The following APP variants were observed in gnomAD, a reference collection of about 807,000 sequenced individuals.
APP encodes amyloid beta precursor protein.
APP carries 31 observed loss-of-function variants against 101.4 expected under a neutral mutation model. The observed-to-expected ratio is 0.31, with a 90% CI of 0.23 to 0.41. The LOEUF (loss-of-function observed/expected upper bound fraction) is 0.41. APP is among the 10% of genes least tolerant of loss of function. The probability of loss-of-function intolerance (pLI) is 1.00; values close to 1 mark genes in which losing one functional copy is unlikely to be tolerated. For missense variants in APP, 839 were observed against 1,003.7 expected (o/e 0.84, Z 2.22); for synonymous variants, 366 against 364.4 (o/e 1.00, Z -0.05).
At position 26,062,816 on chromosome 21, in the gene APP, G is replaced by A. The variant is rs764462417; in HGVS notation, c.356-9468C>T. 3.3e-5 allele frequency among the ~76,000 whole-genome samples: 5 copies of A among 151,912 alleles called. No homozygotes were observed. In the South Asian group the frequency reaches 6.2e-4, roughly 19 times the overall value. On this transcript the variant is annotated intron_variant, in intron 3 of 17. Coordinates refer to ENST00000346798, the MANE Select transcript of APP (RefSeq NM_000484.4). ...CTTACTCTGTCTCCCAGGCTGGAGTGCAATGGCACGATCACAGCTCACTGC... is the reference window on the plus strand; with the variant it reads ...CTTACTCTGTCTCCCAGGCTGGAGTACAATGGCACGATCACAGCTCACTGC...
chr21:25,881,788 G>T lies in APP; in HGVS notation c.2212-17C>A. On this transcript the variant is annotated splice_polypyrimidine_tract_variant and intron_variant, in intron 17 of 17. Transcript: ENST00000346798. ...GGCGTCAACCTGAAAAACAAGAGGA[G>T]AGCTGAGTAAAAAATAAAAATCAAT... is the stretch of plus-strand genomic sequence containing the variant. The T allele has an allele frequency of 4.3e-6, 7 of 1,610,220 alleles. No individual in the cohort carries two copies. The highest frequency in any genetic ancestry group is 5.9e-6 in the Non-Finnish European group (7 of 1,177,942).
intron 2 of APP, among the ~76,000 whole-genome samples, chr21:26,105,588 G>C (rs1779816500): frequency 6.6e-6 from 1 of 151,262 alleles, no homozygotes; most frequent in South Asian, 2.1e-4. Flanking sequence ...CTACAAATGA[G>C]AACTATTCAT....
chr21:25,984,796 T>C (rs1023531976), intron 8 of APP, among the ~76,000 whole-genome samples: 3 of 151,390 alleles, frequency 2.0e-5, no homozygotes, highest in African/African-American at 7.4e-5. Context: ...TTCTTTTGCA[T>C]AGTCCAATCT....
At chr21:26,033,122 G>A (rs1224840394) in intron 5 of APP, among the ~76,000 whole-genome samples, 2 of 152,166 alleles carry the variant, frequency 1.3e-5, no homozygotes, top group East Asian at 3.9e-4. Flanking sequence ...AGCAGATGAA[G>A]AGTGATATGG....
chr21:26,055,850 T>G (rs905971291), intron 3 of APP, among the ~76,000 whole-genome samples: 1 of 151,448 alleles, frequency 6.6e-6, no homozygotes, highest in Non-Finnish European at 1.5e-5. Context: ...AGGTATCAGA[T>G]ACACTCGACC....
chr21:26,059,655 C>T lies in APP; in HGVS notation c.356-6307G>A, dbSNP rs572028921. ...TCTGTAATCCCAGCACTTTGGGAGG[C>T]CGAGACGGGTGGATCACAAGGTCAG... On this transcript the variant is annotated intron_variant, in intron 3 of 17. Coordinates refer to ENST00000346798, the MANE Select transcript of APP (RefSeq NM_000484.4). Among the ~76,000 whole-genome samples the T allele has an allele frequency of 3.9e-4, 59 of 152,164 alleles. No homozygotes were observed. The South Asian group carries it at 0.012, about 31-fold the overall frequency.
At chr21:25,954,382 G>A (rs1375653416) in intron 13 of APP, among the ~76,000 whole-genome samples, 3 of 152,302 alleles carry the variant, frequency 2.0e-5, no homozygotes, top group East Asian at 1.9e-4. Context: ...TAAGTCAGGC[G>A]ACATTCCTCC....
intron 1 of APP, among the ~76,000 whole-genome samples, chr21:26,134,298 T>C (rs2062851858): frequency 6.6e-6 from 1 of 152,176 alleles, no homozygotes; most frequent in African/African-American, 2.4e-5. Flanking sequence ...GGCTGAGGGC[T>C]CAGTACCACA....
rs200159151 is a variant in APP at position 26,021,885 on chromosome 21, T to C, written c.820A>G (p.Thr274Ala). The C allele has an allele frequency of 9.3e-6, 15 of 1,613,472 alleles. No homozygotes were observed. Among genetic ancestry groups the C allele is most frequent in the Non-Finnish European group, 1.2e-5 (14 of 1,179,802 alleles). Reference sequence around the variant, plus strand: ...GACTCTGTGGTGGTGGTGGTGGTGGTGGCAATGCTGGTGGTTCTCTCTGTG... The same window carrying C: ...GACTCTGTGGTGGTGGTGGTGGTGGCGGCAATGCTGGTGGTTCTCTCTGTG... ...EATERTTSIA[T>A]TTTTTTESVE... is the part of the protein sequence containing the mutation. The change falls in exon 6 of 18, where the codon ACC becomes GCC. Residue 274 changes from threonine to alanine, a missense_variant. By Grantham distance (58) the Thr-to-Ala change is moderately conservative. Coordinates refer to ENST00000346798, the MANE Select transcript of APP (RefSeq NM_000484.4).
intron 8 of APP, among the ~76,000 whole-genome samples, chr21:25,989,317 C>T (rs563625325): frequency 1.1e-4 from 17 of 152,248 alleles, no homozygotes; most frequent in African/African-American, 3.1e-4. Context: ...GTAATCATTG[C>T]GGAGCACTCC....
intron 1 of APP, among the ~76,000 whole-genome samples, chr21:26,118,449 C>T (rs1568996673): frequency 6.6e-6 from 1 of 152,108 alleles, no homozygotes; most frequent in East Asian, 1.9e-4. Context: ...CACACACTAA[C>T]ATATATGAAA....
intron 1 of APP, among the ~76,000 whole-genome samples, chr21:26,140,869 T>C (rs1354302638): frequency 6.6e-6 from 1 of 152,238 alleles, no homozygotes; most frequent in African/African-American, 2.4e-5. Flanking sequence ...GGGCTAAATG[T>C]TCTCAAGTTC....
chr21:25,918,606 AAGAAAGGGGTGAC>A (rs1419810513), intron 13 of APP, among the ~76,000 whole-genome samples: 2 of 151,938 alleles, frequency 1.3e-5, no homozygotes, highest in Non-Finnish European at 2.9e-5. Context: ...TTCTGAGTCA[AAGAAAGGGGTGAC>A]AGACGCACCT....
At chr21:25,963,885 G>C (rs992676503) in intron 11 of APP, among the ~76,000 whole-genome samples, 1 of 152,112 alleles carries the variant, frequency 6.6e-6, no homozygotes, top group African/African-American at 2.4e-5. Context: ...GCAAACAAAT[G>C]ATCTTTGTAG....
At chr21:26,091,640 T>C (rs899821805) in intron 2 of APP, among the ~76,000 whole-genome samples, 9 of 151,730 alleles carry the variant, frequency 5.9e-5, no homozygotes, top group African/African-American at 1.7e-4. Context: ...ATCGATGAGG[T>C]AGAAAGAGGT....
rs975874117 is a variant in APP, at chr21:26,111,979, T to C, written c.225A>G (p.Glu75=). Residue 75 remains glutamate, a splice_region_variant and synonymous_variant, in exon 2 of 18, where the codon GAA becomes GAG. Transcript: ENST00000346798. ...TTGCTAGCCACCGGACAGGACTTAC[T>C]TCTTGGCAATACTGCAGGATGCCTT... The part of the protein sequence containing the change: ...TKEGILQYCQ[E]VYPELQITNV... 5.6e-6 allele frequency: 9 copies of C among 1,614,074 alleles called. No homozygotes were observed. The Admixed American group carries it at 1.5e-4, about 27-fold the overall frequency.
intron 6 of APP, among the ~76,000 whole-genome samples, chr21:26,019,265 A>G (rs1223197980): frequency 6.6e-6 from 1 of 152,236 alleles, no homozygotes; most frequent in African/African-American, 2.4e-5. Context: ...TTTTGGTCCC[A>G]ACCTAAAAGA....
intron 3 of APP, among the ~76,000 whole-genome samples, chr21:26,055,432 A>G (rs2046002019): frequency 6.6e-6 from 1 of 152,214 alleles, no homozygotes; most frequent in Non-Finnish European, 1.5e-5. Context: ...ACAAAACAAA[A>G]CAAAAACAAA....
chr21:26,110,065 C>T (rs550265682), intron 2 of APP, among the ~76,000 whole-genome samples: 5 of 152,322 alleles, frequency 3.3e-5, no homozygotes, highest in Non-Finnish European at 5.9e-5. Context: ...CTAACATTGA[C>T]ACTTTATAAA....
Sources: allele counts gnomAD v4.1 joint callset (sites outside exome capture counted in the v4.1 genomes callset), GRCh38; gene constraint gnomAD v4.1.1; transcripts MANE v1.5; gene names NCBI Gene and HGNC (gene_info 2026-07-23, HGNC 2026-07-21).